Variants in GALK2 observed in about 807,000 individuals in gnomAD.
GALK2 encodes the protein N-acetylgalactosamine kinase.
A neutral mutation model predicts 52.4 loss-of-function variants in GALK2; 36 were observed. The observed-to-expected ratio is 0.69, with a 90% CI of 0.53 to 0.91. The LOEUF is 0.91. GALK2 is among the 40% of genes least tolerant of loss of function. The pLI, the probability that GALK2 is intolerant of heterozygous loss-of-function variation, is 0.00. For synonymous variants in GALK2, 176 were observed against 199.1 expected (o/e 0.88, Z 0.98); for missense variants, 579 against 559.1 (o/e 1.04, Z -0.36).
chr15:49,333,362 A>C (rs1354191290), downstream of GALK2, among the ~76,000 whole-genome samples: 2 of 152,202 alleles, frequency 1.3e-5, no homozygotes, highest in Non-Finnish European at 2.9e-5. Context: ...AGATTTATAT[A>C]TCCAAATATG....
intron 2 of GALK2, among the ~76,000 whole-genome samples, chr15:49,216,573 G>A (rs898293970): frequency 2.6e-5 from 4 of 152,188 alleles, no homozygotes; most frequent in African/African-American, 9.7e-5. Flanking sequence ...GCAGTACCAG[G>A]GCTTGCCCGA....
At chr15:49,258,963 G>C (rs1182570808) in intron 5 of GALK2, among the ~76,000 whole-genome samples, 1 of 151,522 alleles carries the variant, frequency 6.6e-6, no homozygotes, top group African/African-American at 2.4e-5. Context: ...AGAAGTGTCA[G>C]TTCATGTCCT....
rs1296962627 is a variant in GALK2 at position 49,217,206 on chromosome 15, T to C, written c.159T>C (p.Tyr53=). 4 of 1,610,708 alleles carry C rather than the reference T, an allele frequency of 2.5e-6. No homozygotes were observed. The Admixed American group carries it at 5.0e-5, about 20-fold the overall frequency. Residue 53 remains tyrosine, a synonymous_variant, in exon 3 of 10, where the codon TAT becomes TAC. Transcript: ENST00000560031. ...RVNIIGEHID[Y]CGYSVLPMAV... ...TTTTTCTAGGAGAGCATATAGATTA[T>C]TGTGGATATTCTGTTCTTCCTATGG... is the stretch of plus-strand genomic sequence containing the variant.
At chr15:49,338,476 G>A (rs2040153126) in intron 3 of GALK2, among the ~76,000 whole-genome samples, 1 of 152,136 alleles carries the variant, frequency 6.6e-6, no homozygotes, top group South Asian at 2.1e-4. Flanking sequence ...TGGTTTGTAG[G>A]GTTTCTGCAG....
Position 49,328,520 on chromosome 15 carries a change from A to T in GALK2, c.*361A>T. 1 of 1,602,466 alleles carries T rather than the reference A, an allele frequency of 6.2e-7. No individual in the cohort carries two copies. Among genetic ancestry groups the T allele is most frequent in the South Asian group, 1.1e-5 (1 of 89,610 alleles). On this transcript the variant is annotated 3_prime_UTR_variant, in exon 10 of 10. Transcript: ENST00000560031. ...ATATTGTTACAATTAAACTGATACC[A>T]CTGAATTGTATGCATTATTCTTGAA...
At chr15:49,253,290 C>T (rs1456963090) in intron 5 of GALK2, among the ~76,000 whole-genome samples, 1 of 142,968 alleles carries the variant, frequency 7.0e-6, no homozygotes, top group Non-Finnish European at 1.6e-5. Flanking sequence ...TTTTACTTAG[C>T]ATCTCTCAGG....
intron 1 of GALK2, among the ~76,000 whole-genome samples, chr15:49,159,697 T>C (rs940937380): frequency 2.0e-5 from 3 of 152,242 alleles, no homozygotes; most frequent in Non-Finnish European, 1.5e-5. Context: ...TAAGTTATAT[T>C]TGTGACAATA....
At chr15:49,282,107 A>C in intron 6 of GALK2, 22 bp downstream of exon 6, 2 of 1,559,288 alleles carry the variant, frequency 1.3e-6, no homozygotes, top group South Asian at 2.3e-5. Flanking sequence ...TCCAAGTAGG[A>C]ACCATTCAGA....
rs1457931836 is a variant in GALK2 at position 49,331,348 on chromosome 15, T to C, written c.*3189T>C. The C allele has an allele frequency of 1.3e-5, 2 of 154,134 alleles. No individual in the cohort carries two copies. The highest frequency in any genetic ancestry group is 4.8e-5 in the African/African-American group (2 of 41,490). The allele number at this position is 154,134 out of a possible 1,614,324, so 9.5% of individuals were successfully genotyped here. Reference sequence around the variant, plus strand: ...AGAAAGATGGAACAGGCTCCTTTCTTTTCTTTCTTTCTCATACTTGAGTCC... The same window carrying C: ...AGAAAGATGGAACAGGCTCCTTTCTCTTCTTTCTTTCTCATACTTGAGTCC... On this transcript the variant is annotated 3_prime_UTR_variant, in exon 10 of 10. Coordinates refer to ENST00000560031, the MANE Select transcript of GALK2 (RefSeq NM_002044.4).
chr15:49,161,339 C>A (rs544970962), intron 1 of GALK2, among the ~76,000 whole-genome samples: 1 of 152,310 alleles, frequency 6.6e-6, no homozygotes, highest in South Asian at 2.1e-4. Flanking sequence ...CTTGAGTACA[C>A]AGGTGCTAAT....
chr15:49,250,246 G>A (rs1233025435), intron 5 of GALK2, among the ~76,000 whole-genome samples: 2 of 152,172 alleles, frequency 1.3e-5, no homozygotes, highest in African/African-American at 2.4e-5. Context: ...ATCATATTGT[G>A]TGGAGAAGAA....
chr15:49,345,491 A>T (rs532089125), intron 3 of GALK2, among the ~76,000 whole-genome samples: 43 of 152,352 alleles, frequency 2.8e-4, no homozygotes, highest in African/African-American at 1.0e-3. Flanking sequence ...TTAGACACTT[A>T]TAACTATAAA....
intron 5 of GALK2, among the ~76,000 whole-genome samples, chr15:49,274,589 ATAAAC>A (rs1310420355): frequency 2.6e-5 from 4 of 152,296 alleles, no homozygotes; most frequent in Admixed American, 2.6e-4. Flanking sequence ...TCCTTCAGTA[ATAAAC>A]TAACCTTAGC....
chr15:49,196,818 G>A (rs1331861007), intron 1 of GALK2, among the ~76,000 whole-genome samples: 1 of 152,084 alleles, frequency 6.6e-6, no homozygotes, highest in East Asian at 1.9e-4. Flanking sequence ...ATTTTGATTT[G>A]TGGCTCTCAG....
At chr15:49,268,738 T>C (rs7177255) in intron 5 of GALK2, among the ~76,000 whole-genome samples, 2,055 of 152,310 alleles carry the variant, frequency 0.013, 46 homozygotes, top group African/African-American at 0.048. Context: ...CTTTAGACAA[T>C]GTTAGCATCT....
intron 2 of GALK2, among the ~76,000 whole-genome samples, chr15:49,204,948 A>G (rs977763468): frequency 2.0e-5 from 3 of 152,134 alleles, no homozygotes; most frequent in Non-Finnish European, 4.4e-5. Flanking sequence ...AGAACATACA[A>G]TGTTTGGTTT....
intron 5 of GALK2, among the ~76,000 whole-genome samples, chr15:49,271,662 C>T (rs939552683): frequency 6.6e-6 from 1 of 152,146 alleles, no homozygotes; most frequent in Non-Finnish European, 1.5e-5. Context: ...GAAACTCCCT[C>T]CCTCACGGAT....
At chr15:49,355,633 T>C (rs929482224) in intron 3 of GALK2, among the ~76,000 whole-genome samples, 4 of 152,054 alleles carry the variant, frequency 2.6e-5, no homozygotes, top group Non-Finnish European at 5.9e-5. Flanking sequence ...CTGAAAGTGA[T>C]GGGGAGAATG....
chr15:49,272,636 A>G lies in GALK2; in HGVS notation c.505-9351A>G, dbSNP rs1390173718. 2.6e-5 allele frequency among the ~76,000 whole-genome samples: 4 copies of G among 152,186 alleles called. No homozygotes were observed. The East Asian group carries it at 7.7e-4, about 29-fold the overall frequency. On this transcript the variant is annotated intron_variant, in intron 5 of 9. Transcript: ENST00000560031. ...TTTAGATTCATGTTAATATTTTAAC[A>G]GTTTTACCACACACATTTGCACATC...
Sources: gnomAD v4.1 joint callset for allele counts (sites outside exome capture counted in the v4.1 genomes callset) on GRCh38, gnomAD v4.1.1 for gene constraint, MANE v1.5 for transcripts, NCBI Gene and HGNC (gene_info 2026-07-23, HGNC 2026-07-21) for gene names.